Variants in MAP4 observed in about 807,000 individuals in gnomAD.
MAP4 encodes the protein microtubule associated protein 4.
In MAP4, 76 loss-of-function variants were observed where a neutral mutation model predicts 170.2. That is an observed-to-expected ratio of 0.45 (90% CI 0.37 to 0.54). The LOEUF (loss-of-function observed/expected upper bound fraction) is 0.54. Ranked by LOEUF, MAP4 falls within the 20% of genes least tolerant of loss-of-function variation. The pLI, the probability that MAP4 is intolerant of heterozygous loss-of-function variation, is 0.00. For missense variants in MAP4, 2,506 were observed against 2,748.0 expected, an observed-to-expected ratio of 0.91 and a Z score of 1.97; for synonymous variants, 909 against 994.5, an observed-to-expected ratio of 0.91 and a Z score of 1.62.
At chr3:47,942,136 C>G (rs1000044246) in intron 3 of MAP4, among the ~76,000 whole-genome samples, 15 of 152,052 alleles carry the variant, frequency 9.9e-5, no homozygotes, top group Admixed American at 2.0e-4. Flanking sequence ...TCAAGAAATC[C>G]AAGACAAAGT....
At chr3:48,062,970 T>C (rs1363360693) in intron 1 of MAP4, among the ~76,000 whole-genome samples, 2 of 148,408 alleles carry the variant, frequency 1.3e-5, no homozygotes, top group Non-Finnish European at 3.0e-5. Flanking sequence ...ATTTTAAAAA[T>C]AGGCAAAAGA....
chr3:47,887,833 G>C (rs576677588), intron 10 of MAP4, among the ~76,000 whole-genome samples: 1 of 151,472 alleles, frequency 6.6e-6, no homozygotes, highest in South Asian at 2.1e-4. Context: ...TCTAGCTCAG[G>C]GATTGTAAAT....
intron 10 of MAP4, among the ~76,000 whole-genome samples, chr3:47,889,580 CG>C (rs913185570): frequency 1.4e-4 from 22 of 152,190 alleles, no homozygotes; most frequent in Non-Finnish European, 2.5e-4. Context: ...AAACATTTAT[CG>C]GGTGAATGGA....
intron 1 of MAP4, among the ~76,000 whole-genome samples, chr3:48,051,280 G>A (rs1204379777): frequency 6.6e-6 from 1 of 152,010 alleles, no homozygotes; most frequent in Non-Finnish European, 1.5e-5. Context: ...GGGTGTGGTG[G>A]TGTGCACCTG....
intron 1 of MAP4, among the ~76,000 whole-genome samples, chr3:48,007,983 G>A (rs2100103306): frequency 1.3e-5 from 2 of 152,114 alleles, no homozygotes. Context: ...CTCTTGGCCT[G>A]TTACTGGGCT....
chr3:47,935,986 G>C (rs1309986310), intron 3 of MAP4, among the ~76,000 whole-genome samples: 22 of 148,310 alleles, frequency 1.5e-4, no homozygotes, highest in Admixed American at 1.5e-3. Flanking sequence ...AAAAAATTAA[G>C]AATTTTATAT....
At chr3:47,854,720 AGCCCTGCAGAGGGAGGCCCCAGGCAG>A (rs3836258) in intron 19 of MAP4, among the ~76,000 whole-genome samples, 56,309 of 149,192 alleles carry the variant, frequency 0.38, 12,405 homozygotes, top group African/African-American at 0.59. Flanking sequence ...TCTGTCCCAG[AGCCCTGCAGAGGGAGGCCCCAGGCAG>A]GCCCTGCAGA....
chr3:47,871,343 C>T, intron 13 of MAP4, 57 bp from the exon 14 acceptor site: 1 of 1,303,288 alleles, frequency 7.7e-7, no homozygotes, highest in Non-Finnish European at 1.1e-6. Flanking sequence ...TTGGATAGTT[C>T]ATCCAATAGT....
chr3:48,025,669 C>A (rs902898950), intron 1 of MAP4, among the ~76,000 whole-genome samples: 1 of 151,720 alleles, frequency 6.6e-6, no homozygotes, highest in African/African-American at 2.4e-5. Context: ...GCGGTCAAGG[C>A]GGGCAGCTCA....
At chr3:47,934,273 CCCTTT>C (rs1187855820) in intron 3 of MAP4, among the ~76,000 whole-genome samples, 1 of 152,098 alleles carries the variant, frequency 6.6e-6, no homozygotes, top group Non-Finnish European at 1.5e-5. Context: ...CAAATTTCTA[CCCTTT>C]CAATACCTTT....
At chr3:47,945,232 G>C (rs1037348341) in intron 3 of MAP4, among the ~76,000 whole-genome samples, 3 of 151,856 alleles carry the variant, frequency 2.0e-5, no homozygotes, top group African/African-American at 7.3e-5. Flanking sequence ...TGCGACTGCA[G>C]TCCCAGCTAC....
chr3:47,865,551 G>A (rs537205365), intron 17 of MAP4, among the ~76,000 whole-genome samples: 1 of 152,140 alleles, frequency 6.6e-6, no homozygotes, highest in Non-Finnish European at 1.5e-5. Context: ...GCTCATGGCC[G>A]CATTCCTCAT....
chr3:48,014,892 T>C (rs1385782477), intron 1 of MAP4, among the ~76,000 whole-genome samples: 2 of 152,180 alleles, frequency 1.3e-5, no homozygotes, highest in Admixed American at 6.5e-5. Flanking sequence ...GAGATGGTTC[T>C]ATTGAAGATG....
chr3:48,042,104 T>C (rs946321958), intron 1 of MAP4, among the ~76,000 whole-genome samples: 3 of 152,228 alleles, frequency 2.0e-5, no homozygotes, highest in Non-Finnish European at 2.9e-5. Flanking sequence ...GTTAAGCCCA[T>C]GGCTATAAAT....
upstream of MAP4, among the ~76,000 whole-genome samples, chr3:48,017,159 A>G (rs1342347372): frequency 1.3e-5 from 2 of 152,222 alleles, no homozygotes; most frequent in African/African-American, 4.8e-5. Context: ...AGAAATGGAA[A>G]AAACAAGTCA....
At chr3:47,986,520 T>C (rs2100088805) in intron 2 of MAP4, among the ~76,000 whole-genome samples, 2 of 152,194 alleles carry the variant, frequency 1.3e-5, no homozygotes, top group South Asian at 2.1e-4. Context: ...TTTGTATTTT[T>C]AGTAGAGGCG....
intron 3 of MAP4, among the ~76,000 whole-genome samples, chr3:47,945,531 T>C (rs919237682): frequency 6.6e-6 from 1 of 151,886 alleles, no homozygotes; most frequent in African/African-American, 2.4e-5. Context: ...TAATAAAGGA[T>C]GTTGAATGGA....
chr3:48,030,051 T>C (rs1276623927), intron 1 of MAP4, among the ~76,000 whole-genome samples: 2 of 147,834 alleles, frequency 1.4e-5, no homozygotes, highest in African/African-American at 4.9e-5. Context: ...TTATGTATTA[T>C]ATATTACATA....
At chr3:47,878,141 G>A (rs2095877758) in intron 10 of MAP4, among the ~76,000 whole-genome samples, 1 of 152,150 alleles carries the variant, frequency 6.6e-6, no homozygotes, top group Non-Finnish European at 1.5e-5. Flanking sequence ...GATTTCAATA[G>A]GACTATACCT....
Sources: gnomAD v4.1 joint callset for allele counts (sites outside exome capture counted in the v4.1 genomes callset) on GRCh38, gnomAD v4.1.1 for gene constraint, MANE v1.5 for transcripts, NCBI Gene and HGNC (gene_info 2026-07-23, HGNC 2026-07-21) for gene names.